FAM120A: variants seen among roughly 807,000 people sequenced by gnomAD.
FAM120A encodes the protein family with sequence similarity 120 member A.
FAM120A carries 15 observed loss-of-function variants against 109.7 expected under a neutral mutation model. The ratio of observed to expected loss-of-function variants is 0.14; its 90% confidence interval spans 0.09 to 0.21. The LOEUF is 0.21. FAM120A is among the 10% of genes least tolerant of loss of function. The pLI is 1.00. For synonymous variants in FAM120A, 493 were observed against 572.8 expected (o/e 0.86, Z 1.99); for missense variants, 899 against 1,439.3 (o/e 0.62, Z 6.07).
At chr9:93,538,978 C>T (rs1419333188) in intron 10 of FAM120A, among the ~76,000 whole-genome samples, 2 of 151,302 alleles carry the variant, frequency 1.3e-5, no homozygotes, top group East Asian at 3.9e-4. Context: ...ATTTAGCCTC[C>T]AGTAACATGT....
intron 3 of FAM120A, among the ~76,000 whole-genome samples, chr9:93,492,329 T>G (rs575729312): frequency 6.6e-6 from 1 of 152,226 alleles, no homozygotes; most frequent in East Asian, 1.9e-4. Context: ...AGATTCCCTG[T>G]TATTTTTAAA....
chr9:93,470,579 C>T (rs550703856), intron 1 of FAM120A, among the ~76,000 whole-genome samples: 4 of 152,208 alleles, frequency 2.6e-5, no homozygotes, highest in South Asian at 2.1e-4. Context: ...TGAGGGTGAA[C>T]GTGTGCATCC....
chr9:93,452,513 GC>G lies in FAM120A; in HGVS notation c.474+127del. 1 of 1,550,740 alleles carries G rather than the reference GC, an allele frequency of 6.4e-7. No individual in the cohort carries two copies. On this transcript the variant is annotated intron_variant, in intron 1 of 17. Transcript: ENST00000277165. This position sits in a 1 kb window ranked among gnomAD's most constrained non-coding sequence, Gnocchi z 7.0. ...GGGGCAGCGAGTTCCCCCAGCCCTT[GC>G]CCGGGATAGCCTGGCCGGGCCGGGC...
chr9:93,535,148 T>C (rs962408797), intron 10 of FAM120A, among the ~76,000 whole-genome samples: 2 of 152,208 alleles, frequency 1.3e-5, no homozygotes, highest in African/African-American at 2.4e-5. Context: ...ACACAACTTA[T>C]TGGAGATGAA....
At chr9:93,456,694 G>A (rs1215751066) in intron 1 of FAM120A, among the ~76,000 whole-genome samples, 1 of 152,154 alleles carries the variant, frequency 6.6e-6, no homozygotes, top group Non-Finnish European at 1.5e-5. Flanking sequence ...ACCTCAAGAC[G>A]GAAGTGGAGT....
intron 10 of FAM120A, among the ~76,000 whole-genome samples, chr9:93,540,479 C>T (rs529439901): frequency 3.3e-5 from 5 of 152,280 alleles, no homozygotes; most frequent in South Asian, 4.1e-4. Flanking sequence ...CCTACTGTGT[C>T]GACAGGCTTA....
chr9:93,510,613 A>G (rs1465512236), intron 5 of FAM120A, among the ~76,000 whole-genome samples: 2 of 152,044 alleles, frequency 1.3e-5, no homozygotes, highest in Non-Finnish European at 2.9e-5. Flanking sequence ...GCTAAATGGG[A>G]TTTGGGATTT....
At chr9:93,551,839 TCTTTA>T in intron 12 of FAM120A, among the ~76,000 whole-genome samples, 1 of 152,392 alleles carries the variant, frequency 6.6e-6, no homozygotes, top group African/African-American at 2.4e-5. Flanking sequence ...CAAATTGTGT[TCTTTA>T]CTTTGTAGAT....
At chr9:93,475,003 G>A (rs560336712) in intron 2 of FAM120A, among the ~76,000 whole-genome samples, 20 of 152,232 alleles carry the variant, frequency 1.3e-4, no homozygotes, top group African/African-American at 4.1e-4. Flanking sequence ...TGGACATCAC[G>A]GGAGTTCAGT....
chr9:93,471,701 G>A (rs1264641851), intron 2 of FAM120A, among the ~76,000 whole-genome samples: 1 of 152,200 alleles, frequency 6.6e-6, no homozygotes, highest in Admixed American at 6.5e-5. Flanking sequence ...TGGTCACTAT[G>A]TAAATTAGAC....
At chr9:93,502,049 T>C (rs1371912907) in intron 5 of FAM120A, among the ~76,000 whole-genome samples, 1 of 152,210 alleles carries the variant, frequency 6.6e-6, no homozygotes, top group African/African-American at 2.4e-5. Context: ...TTTTTATAAG[T>C]AGTAGATAGG....
At chr9:93,553,573 A>G (rs1862179334) in intron 12 of FAM120A, among the ~76,000 whole-genome samples, 1 of 152,234 alleles carries the variant, frequency 6.6e-6, no homozygotes, top group Non-Finnish European at 1.5e-5. Flanking sequence ...TATTTCTTAT[A>G]AAGTCAGAAT....
At chr9:93,507,272 T>G (rs1344784814) in intron 5 of FAM120A, among the ~76,000 whole-genome samples, 2 of 152,108 alleles carry the variant, frequency 1.3e-5, no homozygotes, top group African/African-American at 4.8e-5. Context: ...AAGTAGATAG[T>G]AGATATTGAT....
intron 2 of FAM120A, among the ~76,000 whole-genome samples, chr9:93,475,615 A>G (rs953214099): frequency 4.6e-5 from 7 of 152,202 alleles, no homozygotes; most frequent in Non-Finnish European, 8.8e-5. Flanking sequence ...CCCCAAATAT[A>G]GTTTCTCAAT....
At chr9:93,501,777 A>G (rs557316855) in intron 5 of FAM120A, among the ~76,000 whole-genome samples, 3 of 152,342 alleles carry the variant, frequency 2.0e-5, no homozygotes, top group African/African-American at 7.2e-5. Context: ...TTTTGTTTCA[A>G]GCTGCATACA....
rs542515730 is a variant in FAM120A at position 93,454,613 on chromosome 9, G to A, written c.474+2224G>A. Among the ~76,000 whole-genome samples, 6 of 152,286 alleles carry A rather than the reference G, an allele frequency of 3.9e-5. No homozygotes were observed. The South Asian group carries it at 1.2e-3, about 32-fold the overall frequency. On this transcript the variant is annotated intron_variant, in intron 1 of 17. Transcript: ENST00000277165. ...CCATTAATAGCAAGAAGTGACAAGA[G>A]AGATTTAAAAAGCTATAAAAAGCAA... is the stretch of plus-strand genomic sequence containing the variant.
chr9:93,541,720 T>C (rs1861707625), intron 10 of FAM120A, among the ~76,000 whole-genome samples: 1 of 152,220 alleles, frequency 6.6e-6, no homozygotes, highest in African/African-American at 2.4e-5. Context: ...CCTTAACTTG[T>C]ACCCCAGCTC....
intron 16 of FAM120A, 53 bp downstream of exon 16, chr9:93,561,303 T>C: frequency 6.6e-7 from 1 of 1,524,714 alleles, no homozygotes; most frequent in Non-Finnish European, 8.7e-7. Context: ...AAACAGCTTC[T>C]AACTTGCTTT....
In FAM120A at chr9:93,550,674, C is replaced by A; in HGVS notation, c.2257C>A (p.Gln753Lys). The change falls in exon 12 of 18, where the codon CAG (glutamine) becomes AAG (lysine). Residue 753 changes from glutamine to lysine, a missense_variant. By Grantham distance (53) the Gln-to-Lys change is moderately conservative. Coordinates refer to ENST00000277165, the MANE Select transcript of FAM120A (RefSeq NM_014612.5). ...GTCCCCCAAACTCTACGAGCCTGAT[C>A]AGCTCCAGGAGCTCAAGGTAATTTA... ...ALSPKLYEPD[Q>K]LQELKIENLD... 2 of 1,613,766 alleles carry A rather than the reference C, an allele frequency of 1.2e-6. No individual in the cohort carries two copies. Among genetic ancestry groups the A allele is most frequent in the Non-Finnish European group, 1.7e-6 (2 of 1,179,892 alleles).
Sources: gnomAD v4.1 joint callset for allele counts (sites outside exome capture counted in the v4.1 genomes callset) on GRCh38, gnomAD v4.1.1 for gene constraint, Gnocchi (gnomAD v3.1) non-coding constraint, MANE v1.5 for transcripts, NCBI Gene and HGNC (gene_info 2026-07-23, HGNC 2026-07-21) for gene names.